Variants in ATE1 observed in about 807,000 individuals in gnomAD.
ATE1 encodes arginyl-tRNA--protein transferase 1.
A neutral mutation model predicts 70.5 loss-of-function variants in ATE1; 36 were observed. The ratio of observed to expected loss-of-function variants is 0.51; its 90% CI spans 0.39 to 0.67. The LOEUF (loss-of-function observed/expected upper bound fraction) is 0.67. Among genes scored for constraint, ATE1 ranks in the 30% least tolerant of loss-of-function variants. The pLI is 0.00. For synonymous variants in ATE1, 232 were observed against 219.3 expected (o/e 1.06, Z -0.51); for missense variants, 593 against 629.5 (o/e 0.94, Z 0.62).
At chr10:121,833,631 C>T (rs1476377424) in intron 10 of ATE1, among the ~76,000 whole-genome samples, 1 of 145,654 alleles carries the variant, frequency 6.9e-6, no homozygotes, top group Non-Finnish European at 1.5e-5. Context: ...GGGGGAGGGG[C>T]AAAGGGAAGG....
chr10:121,747,837 C>T (rs1944430034), intron 11 of ATE1, among the ~76,000 whole-genome samples: 1 of 152,196 alleles, frequency 6.6e-6, no homozygotes. Flanking sequence ...TATCACATCC[C>T]TTACCAGGGT....
At chr10:121,911,201 G>C in intron 4 of ATE1, 50 bp from the exon 5 acceptor site, 1 of 1,579,414 alleles carries the variant, frequency 6.3e-7, no homozygotes, top group Non-Finnish European at 8.6e-7. Flanking sequence ...ATTTGATACA[G>C]TTAGGTAAAT....
intron 10 of ATE1, among the ~76,000 whole-genome samples, chr10:121,825,802 C>A: frequency 6.6e-6 from 1 of 152,146 alleles, no homozygotes; most frequent in East Asian, 1.9e-4. Context: ...AATAGAATTA[C>A]CTTTGATTCA....
At chr10:121,792,107 G>C (rs1946477140) in intron 10 of ATE1, among the ~76,000 whole-genome samples, 1 of 108,228 alleles carries the variant, frequency 9.2e-6, no homozygotes, top group African/African-American at 3.5e-5. Context: ...GGTTCAAGGA[G>C]GATATGGGGT....
intron 3 of ATE1, among the ~76,000 whole-genome samples, chr10:121,918,158 C>T (rs1462668011): frequency 1.3e-5 from 2 of 152,046 alleles, no homozygotes; most frequent in African/African-American, 4.8e-5. Flanking sequence ...TATGGTGAAA[C>T]CCCGTCTCTA....
intron 7 of ATE1, among the ~76,000 whole-genome samples, chr10:121,883,713 T>A (rs1950294347): frequency 6.6e-6 from 1 of 152,214 alleles, no homozygotes; most frequent in Admixed American, 6.5e-5. Flanking sequence ...TTGGAAAATT[T>A]GCTTACAATG....
chr10:121,876,590 C>T (rs1185648162), intron 7 of ATE1, among the ~76,000 whole-genome samples: 1 of 152,128 alleles, frequency 6.6e-6, no homozygotes, highest in African/African-American at 2.4e-5. Flanking sequence ...TTTAAGTTTG[C>T]AATATGAATC....
At chr10:121,764,479 C>A in intron 11 of ATE1, among the ~76,000 whole-genome samples, 1 of 47,952 alleles carries the variant, frequency 2.1e-5, no homozygotes. Context: ...TGTACCGGTT[C>A]CTGCAAAAAA....
intron 7 of ATE1, among the ~76,000 whole-genome samples, chr10:121,876,688 C>G (rs749925821): frequency 6.6e-5 from 10 of 152,046 alleles, no homozygotes; most frequent in South Asian, 2.1e-4. Flanking sequence ...GTGTTGCTGC[C>G]GGGCGCGGTG....
intron 7 of ATE1, among the ~76,000 whole-genome samples, chr10:121,885,335 C>T (rs4481962): frequency 0.43 from 62,282 of 146,268 alleles, 14,504 homozygotes; most frequent in South Asian, 0.53. Flanking sequence ...TTTGGGAGGC[C>T]GAGGCAGACA....
intron 11 of ATE1, among the ~76,000 whole-genome samples, chr10:121,747,391 A>G (rs1944411956): frequency 1.3e-5 from 2 of 152,170 alleles, no homozygotes; most frequent in South Asian, 4.1e-4. Context: ...AACTGGGTTC[A>G]GCCAGTAACA....
intron 10 of ATE1, among the ~76,000 whole-genome samples, chr10:121,822,638 A>G (rs989364291): frequency 6.6e-6 from 1 of 152,186 alleles, no homozygotes; most frequent in Non-Finnish European, 1.5e-5. Context: ...ATTTTTCCTA[A>G]CTCCACAGTT....
intron 10 of ATE1, among the ~76,000 whole-genome samples, chr10:121,793,500 T>C (rs917045548): frequency 6.6e-6 from 1 of 152,204 alleles, no homozygotes; most frequent in Non-Finnish European, 1.5e-5. Flanking sequence ...TGCTCCCAAG[T>C]TGATTTCCCT....
chr10:121,923,583 T>C (rs1951967027), intron 2 of ATE1, among the ~76,000 whole-genome samples: 1 of 152,218 alleles, frequency 6.6e-6, no homozygotes, highest in South Asian at 2.1e-4. Context: ...AAAGTTGTGA[T>C]ATTTCAGCTG....
intron 11 of ATE1, among the ~76,000 whole-genome samples, chr10:121,755,314 CA>C (rs527356197): frequency 6.0e-3 from 921 of 152,264 alleles, no homozygotes; most frequent in South Asian, 0.016. Flanking sequence ...TCAGCTAATA[CA>C]CACTGGGATA....
rs537388497 is a variant in ATE1, at chr10:121,882,170, A to T, written c.943-12132T>A. On this transcript the variant is annotated intron_variant, in intron 7 of 11. Transcript: ENST00000224652. ...CAAAGACTAAAATTATATGTTGATA[A>T]ATCAAACTGAGTGGTTTTGAATATT... 7.2e-5 allele frequency among the ~76,000 whole-genome samples: 11 copies of T among 151,734 alleles called. 1 individual carries two copies. The highest frequency in any genetic ancestry group is 2.4e-4 in the African/African-American group (10 of 41,502).
intron 10 of ATE1, among the ~76,000 whole-genome samples, chr10:121,818,698 T>G (rs192075120): frequency 7.7e-4 from 117 of 152,352 alleles, no homozygotes; most frequent in African/African-American, 2.7e-3. Flanking sequence ...TGCTAGTAAA[T>G]GTGAGGCAGG....
chr10:121,767,877 T>G (rs1453630148), intron 11 of ATE1, among the ~76,000 whole-genome samples: 1 of 152,166 alleles, frequency 6.6e-6, no homozygotes, highest in Admixed American at 6.5e-5. Flanking sequence ...TCTAGGAGTA[T>G]ATACAAAAGA....
intron 8 of ATE1, among the ~76,000 whole-genome samples, chr10:121,849,689 G>A (rs1288115511): frequency 6.6e-6 from 1 of 152,156 alleles, no homozygotes; most frequent in Non-Finnish European, 1.5e-5. Context: ...GGTTAATAAT[G>A]ATCTGCTCTT....
Sources: gnomAD v4.1 joint callset for allele counts (sites outside exome capture counted in the v4.1 genomes callset) on GRCh38, gnomAD v4.1.1 for gene constraint, MANE v1.5 for transcripts, NCBI Gene and HGNC (gene_info 2026-07-23, HGNC 2026-07-21) for gene names.